The following DPYS variants were observed in gnomAD, a reference collection of about 807,000 sequenced individuals.
DPYS encodes the protein dihydropyrimidine amidohydrolase.
Under a neutral mutation model 50.3 loss-of-function variants are expected in DPYS, and 39 were observed. That is an observed-to-expected ratio of 0.78 (90% CI 0.60 to 1.01). DPYS has a LOEUF of 1.01. Ranked by LOEUF, DPYS falls within the 50% of genes least tolerant of loss-of-function variation. DPYS has a pLI of 0.00. For synonymous variants in DPYS, 245 were observed against 250.7 expected (o/e 0.98, Z 0.22); for missense variants, 659 against 680.9 (o/e 0.97, Z 0.36).
intron 7 of DPYS, among the ~76,000 whole-genome samples, chr8:104,405,798 A>G (rs1451982944): frequency 6.6e-6 from 1 of 152,222 alleles, no homozygotes; most frequent in African/African-American, 2.4e-5. Context: ...CAGCTTCACC[A>G]GGGAGCACGC....
intron 6 of DPYS, 46 bp from the exon 7 acceptor site, chr8:104,424,435 A>C: frequency 6.3e-7 from 1 of 1,595,430 alleles, no homozygotes; most frequent in Non-Finnish European, 8.6e-7. Context: ...AATACTAAAA[A>C]GTATCCTATC....
At chr8:104,431,147 T>C (rs1812941549) in intron 4 of DPYS, among the ~76,000 whole-genome samples, 1 of 152,188 alleles carries the variant, frequency 6.6e-6, no homozygotes, top group Admixed American at 6.5e-5. Context: ...CTGAGGATTT[T>C]CCATGGTGCT....
intron 4 of DPYS, among the ~76,000 whole-genome samples, chr8:104,438,463 G>A (rs559216805): frequency 6.6e-6 from 1 of 152,260 alleles, no homozygotes; most frequent in Admixed American, 6.5e-5. Flanking sequence ...GAGTCCTACT[G>A]GAATGAAGAA....
At chr8:104,398,954 G>A (rs573506671) in intron 7 of DPYS, among the ~76,000 whole-genome samples, 2 of 152,288 alleles carry the variant, frequency 1.3e-5, no homozygotes, top group East Asian at 3.9e-4. Context: ...GTCATCTGAT[G>A]AGCAGGCCAT....
chr8:104,447,887 G>A (rs1012643109), intron 2 of DPYS, among the ~76,000 whole-genome samples: 11 of 152,230 alleles, frequency 7.2e-5, no homozygotes, highest in Admixed American at 6.5e-4. Context: ...GAACGTTAAT[G>A]TGAGGTAAGG....
chr8:104,438,191 C>A (rs1813215082), intron 4 of DPYS, among the ~76,000 whole-genome samples: 1 of 152,150 alleles, frequency 6.6e-6, no homozygotes, highest in Non-Finnish European at 1.5e-5. Flanking sequence ...CTACTGCAGG[C>A]TTAGCAAGCA....
chr8:104,442,173 C>A (rs1016681756), intron 4 of DPYS, among the ~76,000 whole-genome samples: 6 of 152,078 alleles, frequency 3.9e-5, no homozygotes, highest in Non-Finnish European at 8.8e-5. Context: ...TTTACAGATA[C>A]AAGAAATAAT....
intron 1 of DPYS, among the ~76,000 whole-genome samples, chr8:104,461,786 G>C (rs1407746023): frequency 6.6e-6 from 1 of 152,128 alleles, no homozygotes; most frequent in Non-Finnish European, 1.5e-5. Context: ...GCTGGAGAGA[G>C]AGATCCGAGA....
intron 1 of DPYS, among the ~76,000 whole-genome samples, chr8:104,462,280 C>T (rs186886840): frequency 6.6e-6 from 1 of 152,228 alleles, no homozygotes; most frequent in East Asian, 1.9e-4. Flanking sequence ...GAAGCCCAGC[C>T]GGGAGCTCTG....
At chr8:104,423,836 T>C (rs1348975925) in intron 7 of DPYS, 2 of 406,742 alleles carry the variant, frequency 4.9e-6, no homozygotes, top group Non-Finnish European at 6.6e-6. Flanking sequence ...GAAAGTGACA[T>C]CCTTTGTGCT....
chr8:104,393,407 A>G (rs1288303798), intron 7 of DPYS, among the ~76,000 whole-genome samples: 4 of 152,160 alleles, frequency 2.6e-5, no homozygotes, highest in Non-Finnish European at 4.4e-5. Flanking sequence ...TATAGATACA[A>G]TGGGGGCTTC....
chr8:104,420,270 A>G (rs1331681913), intron 7 of DPYS: 1 of 152,208 alleles, frequency 6.6e-6, no homozygotes, highest in Non-Finnish European at 1.5e-5. Flanking sequence ...GAAAGGTCCT[A>G]GTTGAGGTCA....
chr8:104,405,084 G>T (rs1649769957), intron 7 of DPYS, among the ~76,000 whole-genome samples: 1 of 152,004 alleles, frequency 6.6e-6, no homozygotes, highest in African/African-American at 2.4e-5. Flanking sequence ...AAGGGATGGG[G>T]AAAAAAAAGT....
chr8:104,399,622 C>T (rs536606552), intron 7 of DPYS, among the ~76,000 whole-genome samples: 1 of 151,950 alleles, frequency 6.6e-6, no homozygotes, highest in East Asian at 1.9e-4. Flanking sequence ...GTAATCCCAG[C>T]ACTTTGGGAG....
At chr8:104,418,297 T>G (rs146953576) in intron 7 of DPYS, among the ~76,000 whole-genome samples, 1 of 152,194 alleles carries the variant, frequency 6.6e-6, no homozygotes, top group African/African-American at 2.4e-5. Context: ...TTGCTAAAAC[T>G]GTTTAAGGAA....
intron 7 of DPYS, chr8:104,419,054 TAA>T: frequency 1.0e-6 from 1 of 985,450 alleles, no homozygotes; most frequent in Non-Finnish European, 1.2e-6. Flanking sequence ...TGCTCCAACC[TAA>T]AAAATGAAGG....
intron 8 of DPYS, among the ~76,000 whole-genome samples, chr8:104,386,514 CTGAG>C (rs1811217710): frequency 2.0e-5 from 3 of 147,632 alleles, no homozygotes; most frequent in East Asian, 4.0e-4. Flanking sequence ...GTCTGGGCAA[CTGAG>C]TGAGACTCTT....
intron 1 of DPYS, among the ~76,000 whole-genome samples, chr8:104,453,988 A>G (rs1813843483): frequency 6.6e-6 from 1 of 152,232 alleles, no homozygotes; most frequent in Non-Finnish European, 1.5e-5. Context: ...TGTCCAGAAG[A>G]GGCAAATCCA....
chr8:104,456,830 G>A (rs1813943418), intron 1 of DPYS, among the ~76,000 whole-genome samples: 1 of 152,142 alleles, frequency 6.6e-6, no homozygotes, highest in Non-Finnish European at 1.5e-5. Context: ...TTGGGGGACA[G>A]GGGAGCCCAC....
Sources: gnomAD v4.1 joint callset for allele counts (sites outside exome capture counted in the v4.1 genomes callset) on GRCh38, gnomAD v4.1.1 for gene constraint, MANE v1.5 for transcripts, NCBI Gene and HGNC (gene_info 2026-07-23, HGNC 2026-07-21) for gene names.